COL23A1: variants seen among roughly 807,000 people sequenced by gnomAD.
COL23A1 encodes the protein collagen alpha-1(XXIII) chain.
Under a neutral mutation model 99.3 loss-of-function variants are expected in COL23A1, and 97 were observed. That is an observed-to-expected ratio of 0.98 (90% CI 0.83 to 1.16). The LOEUF (loss-of-function observed/expected upper bound fraction) is 1.16, where lower values mean the gene tolerates loss of function less well. Among genes scored for constraint, COL23A1 ranks in the 50% most tolerant of loss-of-function variants. COL23A1 has a pLI of 0.00. For missense variants in COL23A1, 762 were observed against 757.4 expected, an observed-to-expected ratio of 1.01 and a Z score of -0.07; for synonymous variants, 320 against 308.2, an observed-to-expected ratio of 1.04 and a Z score of -0.40.
chr5:178,419,602 G>C (rs953880795), intron 2 of COL23A1, among the ~76,000 whole-genome samples: 3 of 152,226 alleles, frequency 2.0e-5, no homozygotes, highest in African/African-American at 7.2e-5. Context: ...TGCTGGCCCA[G>C]TCCCTAATGT....
intron 2 of COL23A1, among the ~76,000 whole-genome samples, chr5:178,446,824 T>C (rs556280114): frequency 6.6e-6 from 1 of 152,134 alleles, no homozygotes; most frequent in African/African-American, 2.4e-5. Context: ...AAGCTAACCA[T>C]GGTATAACAG....
chr5:178,333,694 G>C (rs2973681), intron 2 of COL23A1, among the ~76,000 whole-genome samples: 71,761 of 151,930 alleles, frequency 0.47, 17,807 homozygotes, highest in East Asian at 0.81. Context: ...CTGCCCCCAG[G>C]CCGGGCCTGG....
chr5:178,403,841 G>A (rs1302965662), intron 2 of COL23A1, among the ~76,000 whole-genome samples: 3 of 152,066 alleles, frequency 2.0e-5, no homozygotes, highest in Non-Finnish European at 2.9e-5. Context: ...GTGTTGATCT[G>A]AAGGCGCTTG....
intron 2 of COL23A1, among the ~76,000 whole-genome samples, chr5:178,492,569 A>T (rs1322358518): frequency 1.3e-5 from 2 of 151,990 alleles, no homozygotes; most frequent in Non-Finnish European, 2.9e-5. Flanking sequence ...AAGCAAAGAA[A>T]TCCAGGCCAT....
At chr5:178,385,152 C>A (rs1763603419) in intron 2 of COL23A1, among the ~76,000 whole-genome samples, 1 of 152,170 alleles carries the variant, frequency 6.6e-6, no homozygotes, top group Non-Finnish European at 1.5e-5. Flanking sequence ...TTGCTGTCTC[C>A]TGGGCTCTCA....
At chr5:178,576,158 TC>T (rs1763344612) in intron 1 of COL23A1, among the ~76,000 whole-genome samples, 1 of 152,204 alleles carries the variant, frequency 6.6e-6, no homozygotes, top group Non-Finnish European at 1.5e-5. Context: ...GGTAGTTTTT[TC>T]AAGCAAAGTT....
At chr5:178,331,857 G>T (rs543149691) in intron 2 of COL23A1, among the ~76,000 whole-genome samples, 1 of 152,166 alleles carries the variant, frequency 6.6e-6, no homozygotes, top group Non-Finnish European at 1.5e-5. Flanking sequence ...CCGGCAGCCC[G>T]GGCAGTCAGC....
At chr5:178,436,143 A>G (rs1487208236) in intron 2 of COL23A1, among the ~76,000 whole-genome samples, 1 of 152,198 alleles carries the variant, frequency 6.6e-6, no homozygotes, top group African/African-American at 2.4e-5. Flanking sequence ...GGAGGTCAAC[A>G]TGAGCAAAAT....
intron 2 of COL23A1, among the ~76,000 whole-genome samples, chr5:178,532,694 A>G (rs538732641): frequency 6.6e-6 from 1 of 152,106 alleles, no homozygotes; most frequent in African/African-American, 2.4e-5. Flanking sequence ...CCTAATCCCA[A>G]CTGTGATGAT....
intron 2 of COL23A1, chr5:178,351,770 C>G (rs1761340756): frequency 6.6e-6 from 1 of 152,298 alleles, no homozygotes; most frequent in South Asian, 2.1e-4. Flanking sequence ...ATGCGGAAGC[C>G]CCTAGTCCCC....
At position 178,262,363 on chromosome 5, in the gene COL23A1, AT is replaced by A; in HGVS notation, c.640-112del. The stretch of plus-strand genomic sequence containing the variant: ...GGCTCTAAGTACATTATCTTATCTC[AT>A]TCTCGCCAAACCTGAAGAGCGAGTA... On this transcript the variant is annotated intron_variant, in intron 9 of 28. Transcript: ENST00000390654. 3 of 969,076 alleles carry A rather than the reference AT, an allele frequency of 3.1e-6. No homozygotes were observed. In the Admixed American group the frequency reaches 7.0e-5, roughly 23 times the overall value. 60.0% of individuals were successfully genotyped at this position (969,076 alleles called of 1,614,324 possible). A position where few individuals can be genotyped will look rare whatever the true frequency, so the allele number is the denominator to read the frequency against.
chr5:178,343,663 A>ATT (rs745537028), intron 2 of COL23A1, among the ~76,000 whole-genome samples: 30 of 134,372 alleles, frequency 2.2e-4, no homozygotes, highest in African/African-American at 5.4e-4. Context: ...ATATATATAT[A>ATT]TTTTTTTTTT....
chr5:178,537,236 T>A (rs970288786), intron 2 of COL23A1, among the ~76,000 whole-genome samples: 1 of 152,110 alleles, frequency 6.6e-6, no homozygotes. Context: ...CTGGGGCTTG[T>A]AGACGTGCCA....
intron 2 of COL23A1, among the ~76,000 whole-genome samples, chr5:178,535,140 T>A (rs1470912933): frequency 1.3e-5 from 2 of 151,856 alleles, no homozygotes; most frequent in Non-Finnish European, 2.9e-5. Context: ...ACCCGGCTAA[T>A]TTTTTGTATT....
At chr5:178,553,202 G>A (rs920146663) in intron 2 of COL23A1, among the ~76,000 whole-genome samples, 13 of 149,946 alleles carry the variant, frequency 8.7e-5, no homozygotes, top group African/African-American at 1.2e-4. Context: ...CCAAGACAGC[G>A]TGTGCCCTTC....
At chr5:178,420,233 G>A (rs1765529084) in intron 2 of COL23A1, among the ~76,000 whole-genome samples, 1 of 151,980 alleles carries the variant, frequency 6.6e-6, no homozygotes. Flanking sequence ...TGAAATGGGG[G>A]GAATAGATGC....
Position 178,384,891 on chromosome 5 carries a change from C to A in COL23A1, c.362-77972G>T, listed in dbSNP as rs113706596. On this transcript the variant is annotated intron_variant, in intron 2 of 28. Transcript: ENST00000390654. This position sits in a 1 kb window ranked among gnomAD's most constrained non-coding sequence, Gnocchi z 5.5. ...GGAAATAGCCTGCAAGGAGGAAGAG[C>A]GCGGTGAGAGGTCAAATGGGTGGCG... Among the ~76,000 whole-genome samples the A allele has an allele frequency of 6.6e-6, 1 of 152,138 alleles. No homozygotes were observed. The highest frequency in any genetic ancestry group is 2.4e-5 in the African/African-American group (1 of 41,428).
chr5:178,543,685 A>G (rs556305122), intron 2 of COL23A1, among the ~76,000 whole-genome samples: 1 of 152,208 alleles, frequency 6.6e-6, no homozygotes, highest in Non-Finnish European at 1.5e-5. Flanking sequence ...CTCCTCCTCC[A>G]TCACCTCCAC....
intron 2 of COL23A1, among the ~76,000 whole-genome samples, chr5:178,402,462 C>T (rs1399093521): frequency 2.6e-5 from 4 of 151,896 alleles, no homozygotes; most frequent in Non-Finnish European, 5.9e-5. Context: ...CACAAAGAGA[C>T]AGTTAGAATA....
Sources: allele counts gnomAD v4.1 joint callset (sites outside exome capture counted in the v4.1 genomes callset), GRCh38; gene constraint gnomAD v4.1.1; non-coding constraint Gnocchi (gnomAD v3.1); transcripts MANE v1.5; gene names NCBI Gene and HGNC (gene_info 2026-07-23, HGNC 2026-07-21).